The following PRRC2B variants were observed in gnomAD, a reference collection of about 807,000 sequenced individuals.
PRRC2B encodes proline rich coiled-coil 2B.
PRRC2B carries 68 observed loss-of-function variants against 242.3 expected under a neutral mutation model. The observed-to-expected ratio is 0.28, with a 90% CI of 0.23 to 0.34. The LOEUF is 0.34. PRRC2B is among the 10% of genes least tolerant of loss of function. The pLI is 1.00. For synonymous variants in PRRC2B, 1,228 were observed against 1,173.6 expected, an observed-to-expected ratio of 1.05 and a Z score of -0.95; for missense variants, 2,835 against 2,954.8, an observed-to-expected ratio of 0.96 and a Z score of 0.94.
intron 1 of PRRC2B, among the ~76,000 whole-genome samples, chr9:131,420,496 T>TCTTTCTTTCTTTCCTTTCTTTC (rs59621148): frequency 1.3e-5 from 1 of 75,898 alleles, no homozygotes; most frequent in African/African-American, 5.3e-5. Context: ...TTTCTTTCTT[T>TCTTTCTTTCTTTCCTTTCTTTC]TTTTTTTTTT....
Position 131,379,013 on chromosome 9 carries a change from C to G in PRRC2B, c.-56+5282C>G, listed in dbSNP as rs146307457. Among the ~76,000 whole-genome samples, 303 of 152,304 alleles carry G rather than the reference C, an allele frequency of 2.0e-3. 2 individuals are homozygous for G. Among genetic ancestry groups the G allele is most frequent in the Middle Eastern group, 0.01 (3 of 294 alleles). ...GGATTACAGGTGTAAGGCACCGTGC[C>G]TGACCTTTTTTTAAAAATTATTTTT... On this transcript the variant is annotated intron_variant, in intron 1 of 1. Transcript: ENST00000682525.
At chr9:131,427,418 C>T (rs1403747935) in intron 1 of PRRC2B, among the ~76,000 whole-genome samples, 2 of 152,100 alleles carry the variant, frequency 1.3e-5, no homozygotes, top group African/African-American at 2.4e-5. Context: ...GCAAGCTCTG[C>T]TTCCCGGGTT....
In PRRC2B at chr9:131,482,193, T is replaced by G. The variant is rs559654196; in HGVS notation, c.4984-178T>G. Among the ~76,000 whole-genome samples, 1 of 152,310 alleles carries G rather than the reference T, an allele frequency of 6.6e-6. No homozygotes were observed. On this transcript the variant is annotated intron_variant, in intron 20 of 31. Coordinates refer to ENST00000683519, the MANE Select transcript of PRRC2B (RefSeq NM_013318.4). The surrounding 1 kb of genome is among the most constrained non-coding windows in gnomAD (Gnocchi z 5.2). ...TGGTCACGAGCTCTATCGGGGTTGG[T>G]GTGTTTGGCCACACGTAAGTTGTCA... is the stretch of plus-strand genomic sequence containing the variant.
At position 131,476,242 on chromosome 9, in the gene PRRC2B, TGAG is replaced by T. The variant is rs1564297083; in HGVS notation, c.4117_4119del (p.Glu1373del). 1 of 1,612,680 alleles carries T rather than the reference TGAG, an allele frequency of 6.2e-7. No individual in the cohort carries two copies. Among genetic ancestry groups the T allele is most frequent in the Admixed American group, 1.7e-5 (1 of 59,818 alleles). On this transcript the variant is annotated inframe_deletion, in exon 16 of 32. Coordinates refer to ENST00000683519, the MANE Select transcript of PRRC2B (RefSeq NM_013318.4). ...ACCAGAACTCCTCCGATCACGCCAA[TGAG>T]GAGTGGGAGACGGCCTCCGAAAGCA...
At chr9:131,395,343 C>G (rs2131274848) in intron 1 of PRRC2B, among the ~76,000 whole-genome samples, 1 of 152,010 alleles carries the variant, frequency 6.6e-6, no homozygotes, top group Middle Eastern at 3.4e-3. Context: ...GTTTTTGTAA[C>G]CAATTGTGTG....
At position 131,436,629 on chromosome 9, in the gene PRRC2B, G is replaced by C. The variant is rs1264402181; in HGVS notation, c.303G>C (p.Ala101=). Residue 101 remains alanine (A), a synonymous_variant, in exon 4 of 32, where the codon GCG becomes GCC. Coordinates refer to ENST00000683519, the MANE Select transcript of PRRC2B (RefSeq NM_013318.4). ...CCCTGCCTTTGTCTAGTTCCAGTGC[G>C]ACGGCCTCTCAGCCGCCGGAGTCGC... ...QDQQDPKSSS[A]TASQPPESLP... 1 of 1,613,642 alleles carries C rather than the reference G, an allele frequency of 6.2e-7. No individual in the cohort carries two copies. The highest frequency in any genetic ancestry group is 8.5e-7 in the Non-Finnish European group (1 of 1,179,724).
intron 6 of PRRC2B, among the ~76,000 whole-genome samples, chr9:131,445,725 A>G (rs1174811539): frequency 1.3e-5 from 2 of 152,150 alleles, no homozygotes; most frequent in Non-Finnish European, 1.5e-5. Context: ...TTTGTGCTTC[A>G]ACTTCTAACC....
chr9:131,497,880 G>T lies in PRRC2B; in HGVS notation c.*2006G>T, dbSNP rs1300965899. 6.6e-6 allele frequency: 1 copy of T among 152,270 alleles called. No individual in the cohort carries two copies. Among genetic ancestry groups the T allele is most frequent in the Non-Finnish European group, 1.5e-5 (1 of 68,160 alleles). The allele number at this position is 152,270 out of a possible 1,614,324, so 9.4% of individuals were successfully genotyped here. On this transcript the variant is annotated 3_prime_UTR_variant, in exon 32 of 32. Transcript: ENST00000683519. ...TGCTTTTCCTTCTCCCACTGCAAGC[G>T]GCTGCTTGTGGGGCCTGGGATGAGC...
intron 10 of PRRC2B, among the ~76,000 whole-genome samples, chr9:131,457,246 T>C (rs1225819806): frequency 6.6e-6 from 1 of 152,226 alleles, no homozygotes; most frequent in Admixed American, 6.5e-5. Flanking sequence ...TATGGGTCAG[T>C]TCCTGGAACA....
At chr9:131,458,497 GTTT>G (rs1943147128) in intron 10 of PRRC2B, among the ~76,000 whole-genome samples, 2 of 74,190 alleles carry the variant, frequency 2.7e-5, no homozygotes, top group Non-Finnish European at 5.6e-5. Flanking sequence ...CTCATAATGT[GTTT>G]TTATTTTTTT....
chr9:131,434,423 T>C (rs1838275501), intron 3 of PRRC2B, among the ~76,000 whole-genome samples: 2 of 152,032 alleles, frequency 1.3e-5, no homozygotes, highest in Non-Finnish European at 2.9e-5. Context: ...GAGGATGGAG[T>C]GTTGGTGAGG....
At chr9:131,473,943 GGA>G (rs922049224) in intron 15 of PRRC2B, among the ~76,000 whole-genome samples, 116 of 152,306 alleles carry the variant, frequency 7.6e-4, no homozygotes, top group African/African-American at 2.8e-3. Flanking sequence ...GTAAGGTGAA[GGA>G]GAAGTCCCGG....
chr9:131,447,934 A>G (rs1838858253), intron 9 of PRRC2B, 130 bp downstream of exon 9: 1 of 924,690 alleles, frequency 1.1e-6, no homozygotes, highest in African/African-American at 1.7e-5. Flanking sequence ...CCGGACAGGG[A>G]AGCAGACCTG....
Position 131,476,493 on chromosome 9 carries a change from G to C in PRRC2B, c.4364G>C (p.Arg1455Pro). 6.2e-7 allele frequency: 1 copy of C among 1,609,632 alleles called. No individual in the cohort carries two copies. The highest frequency in any genetic ancestry group is 8.5e-7 in the Non-Finnish European group (1 of 1,178,102). ...VRPGGGDTSP[R>P]YESQQNGTPL... ...CCAGGTGGTGGTGACACCTCCCCTC[G>C]CTATGAGAGCCAACAGAATGGGACG... The change falls in exon 16 of 32, where the codon CGC becomes CCC. Residue 1455 changes from arginine to proline, a missense_variant. Around this residue, in one of 7 missense-constraint regions of PRRC2B, gnomAD observed 1,536 missense variants for 1,483.1 expected, o/e 1.04. Transcript: ENST00000683519.
At chr9:131,493,379 G>A (rs140343770) in intron 30 of PRRC2B, among the ~76,000 whole-genome samples, 56 of 152,302 alleles carry the variant, frequency 3.7e-4, no homozygotes, top group Non-Finnish European at 7.6e-4. Flanking sequence ...GGACAGCACC[G>A]ACCATGGAGC....
chr9:131,441,262 G>C (rs962836777), intron 5 of PRRC2B, among the ~76,000 whole-genome samples: 2 of 152,160 alleles, frequency 1.3e-5, no homozygotes, highest in Admixed American at 1.3e-4. Flanking sequence ...GAGTCAGAAG[G>C]GGGCAAATGG....
intron 1 of PRRC2B, among the ~76,000 whole-genome samples, chr9:131,407,867 A>G (rs1161634069): frequency 6.6e-6 from 1 of 152,010 alleles, no homozygotes; most frequent in African/African-American, 2.4e-5. Flanking sequence ...ATCTGCAAAT[A>G]GGGGGTGATA....
At chr9:131,469,884 A>G (rs1943492764) in intron 13 of PRRC2B, among the ~76,000 whole-genome samples, 1 of 152,094 alleles carries the variant, frequency 6.6e-6, no homozygotes, top group African/African-American at 2.4e-5. Flanking sequence ...GTGCACAGGG[A>G]GTCTCTTAGG....
intron 11 of PRRC2B, among the ~76,000 whole-genome samples, chr9:131,462,591 G>A: frequency 6.6e-6 from 1 of 150,662 alleles, no homozygotes; most frequent in East Asian, 2.0e-4. Context: ...TGTAATCCCA[G>A]CACTTTGGGA....
Sources: gnomAD v4.1 joint callset for allele counts (sites outside exome capture counted in the v4.1 genomes callset) on GRCh38, gnomAD v4.1.1 for gene constraint, gnomAD v4.1.1 regional missense constraint, Gnocchi (gnomAD v3.1) non-coding constraint, MANE v1.5 for transcripts, NCBI Gene and HGNC (gene_info 2026-07-23, HGNC 2026-07-21) for gene names.